PHF3: variants seen among roughly 807,000 people sequenced by gnomAD.
PHF3 encodes the protein PHD finger protein 3.
PHF3 carries 41 observed loss-of-function variants against 178.4 expected under a neutral mutation model. The ratio of observed to expected loss-of-function variants is 0.23; its 90% CI spans 0.18 to 0.30. PHF3 has a LOEUF of 0.30. PHF3 is among the 10% of genes least tolerant of loss of function. PHF3 has a pLI of 1.00. For missense variants in PHF3, 2,346 were observed against 2,398.1 expected (o/e 0.98, Z 0.45); for synonymous variants, 842 against 800.5 (o/e 1.05, Z -0.88).
rs1007617855 is a variant in PHF3 at position 63,645,001 on chromosome 6, C to T, written c.-25-1526C>T. Among the ~76,000 whole-genome samples, 17 of 152,042 alleles carry T rather than the reference C, an allele frequency of 1.1e-4. No individual in the cohort carries two copies. The East Asian group carries it at 1.4e-3, about 12-fold the overall frequency. On this transcript the variant is annotated intron_variant, in intron 1 of 15. Transcript: ENST00000262043. ...GCTTAAGTGATCCTCCCAACTCAGC[C>T]GCCCGAGTGACTGGGTCTACAGGCA... is the stretch of plus-strand genomic sequence containing the variant.
intron 10 of PHF3, 93 bp downstream of exon 10, chr6:63,702,732 T>C (rs1413319581): frequency 1.3e-5 from 16 of 1,236,474 alleles, no homozygotes; most frequent in Non-Finnish European, 1.6e-5. Context: ...GAAAAGAATT[T>C]TAAAATATGC....
At chr6:63,709,372 C>A in intron 14 of PHF3, 132 bp downstream of exon 14, 1 of 650,222 alleles carries the variant, frequency 1.5e-6, no homozygotes, top group East Asian at 2.7e-5. Context: ...ATGTAATATA[C>A]CTCACAAAAC....
At position 63,715,829 on chromosome 6, in the gene PHF3, AGATTT is replaced by A. The variant is rs1768171984; in HGVS notation, c.*2122_*2126del. 3.9e-5 allele frequency among the ~76,000 whole-genome samples: 6 copies of A among 152,126 alleles called. No individual in the cohort carries two copies. The highest frequency in any genetic ancestry group is 1.3e-4 in the Admixed American group (2 of 15,236). On this transcript the variant is annotated 3_prime_UTR_variant, in exon 16 of 16. Coordinates refer to ENST00000262043, the MANE Select transcript of PHF3 (RefSeq NM_001370348.2). ...TTGAGGAAAAAAAGGGAAAATGAGC[AGATTT>A]TTCAATGAGTAGTAGATCCAAAGCC...
At chr6:63,650,677 C>T (rs1302823728) in intron 2 of PHF3, among the ~76,000 whole-genome samples, 3 of 152,168 alleles carry the variant, frequency 2.0e-5, no homozygotes, top group Non-Finnish European at 4.4e-5. Context: ...TAGTTTGAGG[C>T]TCCTTTATCA....
In PHF3 at chr6:63,685,906, C is replaced by T. The variant is rs760110405; in HGVS notation, c.2184C>T (p.Gly728=). ...GTGGGTTTTGCAAAAAACCACATGGCAACAGGTGTGTGTGTATGTGTGTAT... is the reference window on the plus strand; with the variant it reads ...GTGGGTTTTGCAAAAAACCACATGGTAACAGGTGTGTGTGTATGTGTGTAT... ...KQCGFCKKPH[G]NRFMVGCGRC... is the part of the protein sequence containing the mutation. Residue 728 remains glycine, a synonymous_variant, in exon 4 of 16, where the codon GGC becomes GGT. Coordinates refer to ENST00000262043, the MANE Select transcript of PHF3 (RefSeq NM_001370348.2). The T allele has an allele frequency of 3.1e-6, 5 of 1,609,156 alleles. No individual in the cohort carries two copies. Among genetic ancestry groups the T allele is most frequent in the South Asian group, 1.1e-5 (1 of 90,802 alleles).
chr6:63,692,108 A>G (rs543668706), intron 5 of PHF3, 65 bp downstream of exon 5: 1 of 1,128,318 alleles, frequency 8.9e-7, no homozygotes, highest in African/African-American at 1.6e-5. Flanking sequence ...TGACTGCAAT[A>G]ATTTTGAAAT....
At chr6:63,668,960 T>C (rs76028022) in intron 2 of PHF3, among the ~76,000 whole-genome samples, 1,804 of 152,282 alleles carry the variant, frequency 0.012, 30 homozygotes, top group African/African-American at 0.042. Flanking sequence ...CAAAAAAGCA[T>C]GTGAAATATG....
intron 5 of PHF3, 50 bp from the exon 6 acceptor site, chr6:63,694,531 A>G (rs970764703): frequency 7.8e-7 from 1 of 1,283,722 alleles, no homozygotes; most frequent in African/African-American, 1.5e-5. Flanking sequence ...TTAAAAAACA[A>G]AGATTGTTTA....
chr6:63,678,839 A>G, intron 2 of PHF3: 1 of 453,354 alleles, frequency 2.2e-6, no homozygotes, highest in Non-Finnish European at 4.4e-6. Context: ...ATAGACCACT[A>G]TCTTGTTGAG....
At position 63,719,881 on chromosome 6, in the gene PHF3, A is replaced by G. The variant is rs534423913; in HGVS notation, c.*6173A>G. 1 of 152,180 alleles carries G rather than the reference A, an allele frequency of 6.6e-6. No individual in the cohort carries two copies. Among genetic ancestry groups the G allele is most frequent in the South Asian group, 2.1e-4 (1 of 4,822 alleles). 9.4% of individuals were successfully genotyped at this position (152,180 alleles called of 1,614,324 possible). On this transcript the variant is annotated 3_prime_UTR_variant, in exon 16 of 16. Coordinates refer to ENST00000262043, the MANE Select transcript of PHF3 (RefSeq NM_001370348.2). ...TTCTCTCCAGAGGCAACCATTTTTA[A>G]TTCTTTTAGATATTTAGGATATTTG...
rs1349878362 is a variant in PHF3 at position 63,725,160 on chromosome 6, A to C, written c.*11452A>C. ...TTCTTATATAAGTGTCAAATGCAGC[A>C]TCAATCGTGTGAAACTAATGAATCT... On this transcript the variant is annotated 3_prime_UTR_variant, in exon 16 of 16. Transcript: ENST00000262043. Among the ~76,000 whole-genome samples, 3 of 152,292 alleles carry C rather than the reference A, an allele frequency of 2.0e-5. No homozygotes were observed. Among genetic ancestry groups the C allele is most frequent in the Middle Eastern group, 3.4e-3 (1 of 294 alleles).
rs2149626056 is a variant in PHF3 at position 63,722,039 on chromosome 6, G to GA, written c.*8333dup. The stretch of plus-strand genomic sequence containing the variant: ...TAGTTGTGGACAGTTCTCATTGAAT[G>GA]AATATATTGTGGTAGTAAGTTAAAG... On this transcript the variant is annotated 3_prime_UTR_variant, in exon 16 of 16. Transcript: ENST00000262043. Among the ~76,000 whole-genome samples, 1 of 152,250 alleles carries GA rather than the reference G, an allele frequency of 6.6e-6. No homozygotes were observed. The highest frequency in any genetic ancestry group is 2.1e-4 in the South Asian group (1 of 4,826).
At chr6:63,643,734 A>G (rs998361758) in intron 1 of PHF3, among the ~76,000 whole-genome samples, 1 of 152,234 alleles carries the variant, frequency 6.6e-6, no homozygotes, top group Non-Finnish European at 1.5e-5. Flanking sequence ...GGGGAAGCAT[A>G]CTTCATAAGT....
chr6:63,655,069 A>T (rs906813154), intron 2 of PHF3, among the ~76,000 whole-genome samples: 1 of 150,876 alleles, frequency 6.6e-6, no homozygotes, highest in African/African-American at 2.4e-5. Flanking sequence ...AATTATTATT[A>T]TTATTATTTT....
chr6:63,658,878 G>A (rs1232592115), intron 2 of PHF3, among the ~76,000 whole-genome samples: 1 of 152,006 alleles, frequency 6.6e-6, no homozygotes, highest in Non-Finnish European at 1.5e-5. Flanking sequence ...TGGAGACCTA[G>A]GGAAGAGTTG....
In PHF3 at chr6:63,684,782, A is replaced by T. The variant is rs980376150; in HGVS notation, c.1060A>T (p.Asn354Tyr). 2 of 1,614,082 alleles carry T rather than the reference A, an allele frequency of 1.2e-6. No individual in the cohort carries two copies. The highest frequency in any genetic ancestry group is 2.2e-5 in the East Asian group (1 of 44,868). ...ISSDAACTNP[N>Y]KTENSLVGLP... is the part of the protein sequence containing the mutation. ...TAGTGATGCTGCTTGTACAAATCCA[A>T]ATAAGACAGAAAACAGCCTTGTAGG... The change falls in exon 4 of 16, where the codon AAT becomes TAT. Residue 354 changes from asparagine to tyrosine, a missense_variant. Around this residue, in one of 8 missense-constraint regions of PHF3, gnomAD observed 843 missense variants for 795.2 expected, o/e 1.06. Transcript: ENST00000262043.
intron 1 of PHF3, among the ~76,000 whole-genome samples, chr6:63,638,940 T>TG (rs1420935596): frequency 1.3e-5 from 2 of 152,140 alleles, no homozygotes; most frequent in Non-Finnish European, 2.9e-5. Flanking sequence ...TAAACATACA[T>TG]GAGACCCTGA....
chr6:63,673,540 C>T (rs139912227), intron 2 of PHF3, among the ~76,000 whole-genome samples: 172 of 152,324 alleles, frequency 1.1e-3, no homozygotes, highest in African/African-American at 3.9e-3. Flanking sequence ...CTGTCAGCCT[C>T]TTGTCTGTTT....
rs1238183093 is a variant in PHF3, at chr6:63,718,589, A to G, written c.*4881A>G. Among the ~76,000 whole-genome samples, 5 of 152,078 alleles carry G rather than the reference A, an allele frequency of 3.3e-5. No individual in the cohort carries two copies. Among genetic ancestry groups the G allele is most frequent in the African/African-American group, 7.2e-5 (3 of 41,538 alleles). ...GGCTGGATTCTCTTACCTGCCCTGC[A>G]TTCAGTGTTTTGTAGTATGTCATTT... On this transcript the variant is annotated 3_prime_UTR_variant, in exon 16 of 16. Coordinates refer to ENST00000262043, the MANE Select transcript of PHF3 (RefSeq NM_001370348.2).
Sources: allele counts gnomAD v4.1 joint callset (sites outside exome capture counted in the v4.1 genomes callset), GRCh38; gene constraint gnomAD v4.1.1; regional missense constraint gnomAD v4.1.1; transcripts MANE v1.5; gene names NCBI Gene and HGNC (gene_info 2026-07-23, HGNC 2026-07-21).